SYTL5: variants seen among roughly 807,000 people sequenced by gnomAD.
SYTL5 encodes the protein synaptotagmin like 5.
Under a neutral mutation model 55.9 loss-of-function variants are expected in SYTL5, and 34 were observed. That is an observed-to-expected ratio of 0.61 (90% CI 0.46 to 0.81). The LOEUF is 0.81. SYTL5 is among the 30% of genes least tolerant of loss of function. The pLI is 0.00. For missense variants in SYTL5, 637 were observed against 546.7 expected, an observed-to-expected ratio of 1.17 and a Z score of -1.65; for synonymous variants, 221 against 188.7, an observed-to-expected ratio of 1.17 and a Z score of -1.40.
At chrX:38,050,984 A>G (rs776396117) in intron 2 of SYTL5, among the ~76,000 whole-genome samples, 13 of 112,356 alleles carry the variant, frequency 1.2e-4, no homozygotes, top group African/African-American at 4.2e-4. Flanking sequence ...AGAAAGGTGC[A>G]ATCCCAACTT....
At chrX:37,929,140 G>A in the SYTL5 span, among the ~76,000 whole-genome samples, 6 of 112,371 alleles carry the variant, frequency 5.3e-5, no homozygotes, top group Non-Finnish European at 9.4e-5. Flanking sequence ...AATGTAAAAT[G>A]TTGTTTTCTT....
At chrX:37,989,941 C>T in the SYTL5 span, among the ~76,000 whole-genome samples, 6 of 110,856 alleles carry the variant, frequency 5.4e-5, no homozygotes, top group African/African-American at 1.3e-4. Context: ...GGCACGATCT[C>T]GGCTCACTGC....
In SYTL5 at chrX:38,054,362, G is replaced by C; in HGVS notation, c.269G>C (p.Arg90Thr). Reference sequence around the variant, plus strand: ...CAGGCTTGCTCACTGAGGGTATGCAGGGAGTGTCGAGTTGCAGGCCCCAAT... The same window carrying C: ...CAGGCTTGCTCACTGAGGGTATGCACGGAGTGTCGAGTTGCAGGCCCCAAT... ...PCQACSLRVC[R>T]ECRVAGPNGS... is the part of the protein sequence containing the mutation. Residue 90 changes from arginine to threonine, a missense_variant, in exon 3 of 17, where the codon AGG becomes ACG. Arg to Thr is a moderately conservative substitution (Grantham distance 71). Transcript: ENST00000297875. 8.3e-7 allele frequency: 1 copy of C among 1,211,763 alleles called. No individual in the cohort carries two copies. The highest frequency in any genetic ancestry group is 1.8e-5 in the South Asian group (1 of 56,995).
chrX:37,959,945 A>G, the SYTL5 span, among the ~76,000 whole-genome samples: 1 of 111,842 alleles, frequency 8.9e-6, no homozygotes, highest in African/African-American at 3.3e-5. Flanking sequence ...CTCCAGAATT[A>G]GCACTTCATG....
the SYTL5 span, among the ~76,000 whole-genome samples, chrX:37,927,168 A>T: frequency 1.8e-5 from 2 of 112,266 alleles, no homozygotes; most frequent in East Asian, 2.8e-4. Flanking sequence ...ACTTTAAAAG[A>T]TGTATTTCAA....
At chrX:38,008,101 G>T (rs986361794) in intron 1 of SYTL5, among the ~76,000 whole-genome samples, 1 of 111,296 alleles carries the variant, frequency 9.0e-6, no homozygotes, top group Non-Finnish European at 1.9e-5. Context: ...AGGAAATGTA[G>T]CTTTAATATG....
At chrX:38,102,020 G>A (rs1182923051) in intron 9 of SYTL5, among the ~76,000 whole-genome samples, 2 of 109,337 alleles carry the variant, frequency 1.8e-5, no homozygotes, top group Non-Finnish European at 1.9e-5. Flanking sequence ...TTAAAGTAAC[G>A]TAAGTACATT....
chrX:37,955,083 A>T, the SYTL5 span, among the ~76,000 whole-genome samples: 2 of 110,982 alleles, frequency 1.8e-5, no homozygotes, highest in Admixed American at 9.7e-5. Flanking sequence ...TCCAGGGCAA[A>T]TGAGTTTTCT....
chrX:38,100,109 C>T (rs1937045750), intron 9 of SYTL5, among the ~76,000 whole-genome samples: 1 of 110,806 alleles, frequency 9.0e-6, no homozygotes, highest in Non-Finnish European at 1.9e-5. Context: ...GAAGTGTTCC[C>T]TCCTCTTCAA....
chrX:37,948,075 G>C, the SYTL5 span, among the ~76,000 whole-genome samples: 21 of 111,279 alleles, frequency 1.9e-4, no homozygotes, highest in Non-Finnish European at 2.6e-4. Flanking sequence ...TATTTCTTAA[G>C]TGGGCAAATT....
chrX:37,941,944 C>T, the SYTL5 span, among the ~76,000 whole-genome samples: 1 of 111,957 alleles, frequency 8.9e-6, no homozygotes, highest in Non-Finnish European at 1.9e-5. Flanking sequence ...CTTAGCCATT[C>T]CCTTACTGTG....
chrX:37,902,680 A>G, the SYTL5 span, among the ~76,000 whole-genome samples: 1 of 111,765 alleles, frequency 8.9e-6, no homozygotes. Flanking sequence ...AAAATAAAAC[A>G]AAACAAAACA....
At chrX:38,089,639 T>G (rs1936747725) in intron 7 of SYTL5, 52 bp downstream of exon 7, 1 of 1,118,304 alleles carries the variant, frequency 8.9e-7, no homozygotes, top group Non-Finnish European at 1.2e-6. Context: ...CACACTGCTA[T>G]AAAGAACTGC....
At chrX:37,912,213 G>T in the SYTL5 span, among the ~76,000 whole-genome samples, 1 of 111,754 alleles carries the variant, frequency 8.9e-6, no homozygotes, top group Non-Finnish European at 1.9e-5. Flanking sequence ...TTCCAGTAAT[G>T]CACCTCCCAG....
At chrX:37,971,379 G>C in the SYTL5 span, among the ~76,000 whole-genome samples, 2 of 111,060 alleles carry the variant, frequency 1.8e-5, no homozygotes, top group African/African-American at 6.6e-5. Flanking sequence ...AAATTAAAAA[G>C]GATTCAATTG....
At chrX:38,098,062 T>A (rs1259381290) in intron 9 of SYTL5, among the ~76,000 whole-genome samples, 1 of 110,631 alleles carries the variant, frequency 9.0e-6, no homozygotes, top group East Asian at 2.8e-4. Context: ...TAAACCTAAA[T>A]GTAAGAACAG....
intron 6 of SYTL5, among the ~76,000 whole-genome samples, chrX:38,078,061 T>G (rs1226447143): frequency 1.8e-5 from 2 of 111,475 alleles, no homozygotes; most frequent in Admixed American, 1.9e-4. Context: ...AAATCTCATT[T>G]TTGTTTTTCA....
At chrX:37,930,852 C>T in the SYTL5 span, among the ~76,000 whole-genome samples, 1 of 112,171 alleles carries the variant, frequency 8.9e-6, no homozygotes, top group African/African-American at 3.2e-5. Context: ...TGTCCCTCAT[C>T]CTCCAGCAGG....
At chrX:38,085,375 G>A (rs1469071785) in intron 6 of SYTL5, among the ~76,000 whole-genome samples, 1 of 111,157 alleles carries the variant, frequency 9.0e-6, no homozygotes, top group Non-Finnish European at 1.9e-5. Context: ...AGTTTCTAAT[G>A]TGCATCTGAG....
Sources: allele counts gnomAD v4.1 joint callset (sites outside exome capture counted in the v4.1 genomes callset), GRCh38; gene constraint gnomAD v4.1.1; transcripts MANE v1.5; gene names NCBI Gene and HGNC (gene_info 2026-07-23, HGNC 2026-07-21).